The following PATJ variants were observed in gnomAD, a reference collection of about 807,000 sequenced individuals.
PATJ encodes inaD-like protein.
A neutral mutation model predicts 224.9 loss-of-function variants in PATJ; 190 were observed. The observed-to-expected ratio is 0.84, with a 90% confidence interval of 0.75 to 0.95. PATJ has a LOEUF of 0.95. Ranked by LOEUF, PATJ falls within the 40% of genes least tolerant of loss-of-function variation. The probability of loss-of-function intolerance (pLI) is 0.00; values close to 1 mark genes in which losing one functional copy is unlikely to be tolerated. For synonymous variants in PATJ, 769 were observed against 820.3 expected, an observed-to-expected ratio of 0.94 and a Z score of 1.07; for missense variants, 2,121 against 2,270.3, an observed-to-expected ratio of 0.93 and a Z score of 1.34.
rs34127211 is a variant in PATJ at position 62,143,438 on chromosome 1, A to ATTTTTTTTTTTTTTTTTTT, written c.5272-4834_5272-4816dup. On this transcript the variant is annotated intron_variant, in intron 41 of 43. Transcript: ENST00000642238. ...TTGGATATCACAGACTAAGCTGGGA[A>ATTTTTTTTTTTTTTTTTTT]TTTTTTTTTTTTTTTTTTTTTTTTT... Among the ~76,000 whole-genome samples, 9 of 74,322 alleles carry ATTTTTTTTTTTTTTTTTTT rather than the reference A, an allele frequency of 1.2e-4. No homozygotes were observed. The East Asian group carries it at 3.7e-3, about 30-fold the overall frequency. 48.8% of individuals were successfully genotyped at this position (74,322 alleles called of 152,430 possible).
chr1:62,021,777 C>T lies in PATJ; in HGVS notation c.3959+3830C>T, dbSNP rs534989286. On this transcript the variant is annotated intron_variant, in intron 29 of 43. Coordinates refer to ENST00000642238, the MANE Select transcript of PATJ (RefSeq NM_001350145.3). ...ATTTTGCTTATTTTAGAATCAAATC[C>T]TGAAGAAGTTAAAATTCGATTCATT... Among the ~76,000 whole-genome samples the T allele has an allele frequency of 4.8e-4, 73 of 152,098 alleles. 1 individual carries two copies. Among genetic ancestry groups the T allele is most frequent in the Non-Finnish European group, 5.9e-5 (4 of 67,998 alleles).
intron 14 of PATJ, among the ~76,000 whole-genome samples, chr1:61,821,176 C>CT (rs1286744110): frequency 1.3e-5 from 2 of 151,996 alleles, no homozygotes; most frequent in African/African-American, 2.4e-5. Flanking sequence ...TCCCGTGCAG[C>CT]TGGGACTACA....
At chr1:61,932,178 C>A (rs6656983) in intron 27 of PATJ, among the ~76,000 whole-genome samples, 10,915 of 152,150 alleles carry the variant, frequency 0.072, 1,159 homozygotes, top group African/African-American at 0.23. Context: ...GCCTGCCCCC[C>A]CAACACACAC....
chr1:61,764,845 A>G (rs996432483), intron 3 of PATJ, among the ~76,000 whole-genome samples: 1 of 152,122 alleles, frequency 6.6e-6, no homozygotes, highest in Non-Finnish European at 1.5e-5. Context: ...GAATATCACA[A>G]TAGTGAATGC....
intron 3 of PATJ, among the ~76,000 whole-genome samples, chr1:61,765,789 A>G (rs1221780216): frequency 6.6e-6 from 1 of 152,202 alleles, no homozygotes; most frequent in Admixed American, 6.5e-5. Flanking sequence ...TGGGATAATG[A>G]TATCTCATTA....
chr1:61,912,603 C>T (rs1424540641), intron 25 of PATJ, among the ~76,000 whole-genome samples: 2 of 146,354 alleles, frequency 1.4e-5, no homozygotes, highest in African/African-American at 2.5e-5. Context: ...TCTGTCTCAA[C>T]GAATGAACAA....
At position 61,899,571 on chromosome 1, in the gene PATJ, C is replaced by G. The variant is rs752370483; in HGVS notation, c.3132-12C>G. The G allele has an allele frequency of 1.3e-6, 2 of 1,579,092 alleles. No homozygotes were observed. The highest frequency in any genetic ancestry group is 8.6e-7 in the Non-Finnish European group (1 of 1,164,442). On this transcript the variant is annotated splice_polypyrimidine_tract_variant and intron_variant, in intron 22 of 43. Coordinates refer to ENST00000642238, the MANE Select transcript of PATJ (RefSeq NM_001350145.3). The stretch of plus-strand genomic sequence containing the variant: ...TAAAATTGTGTGTATTTTTTTCTTT[C>G]TCCCTCTGTAGTGAGTTACCTGAGA...
chr1:62,128,173 TA>T, intron 40 of PATJ, 79 bp downstream of exon 40: 1 of 1,562,264 alleles, frequency 6.4e-7, no homozygotes, highest in Middle Eastern at 1.7e-4. Context: ...GCACCTTGTT[TA>T]AAGTTGGAAT....
intron 11 of PATJ, 102 bp downstream of exon 11, chr1:61,797,530 C>T (rs1651597176): frequency 1.0e-6 from 1 of 981,444 alleles, no homozygotes; most frequent in African/African-American, 1.6e-5. Flanking sequence ...AATGTTGTCC[C>T]ACCTCGTGTA....
chr1:61,895,309 C>T (rs11207858), intron 22 of PATJ, among the ~76,000 whole-genome samples: 94,486 of 152,132 alleles, frequency 0.62, 30,204 homozygotes, highest in Admixed American at 0.7. Flanking sequence ...ATAGCCAAGA[C>T]GGGGAAAATA....
At chr1:61,952,700 C>T (rs910657297) in intron 27 of PATJ, among the ~76,000 whole-genome samples, 11 of 152,140 alleles carry the variant, frequency 7.2e-5, no homozygotes, top group African/African-American at 2.7e-4. Flanking sequence ...GTTTCACTGC[C>T]AAGATTCTCA....
chr1:62,091,995 G>A (rs1192976927), intron 33 of PATJ, among the ~76,000 whole-genome samples: 1 of 150,792 alleles, frequency 6.6e-6, no homozygotes, highest in Non-Finnish European at 1.5e-5. Flanking sequence ...GGCGGAGGTT[G>A]CAGTGAGCCG....
At chr1:61,800,585 A>G (rs924203781) in intron 11 of PATJ, among the ~76,000 whole-genome samples, 2 of 151,922 alleles carry the variant, frequency 1.3e-5, no homozygotes, top group Non-Finnish European at 2.9e-5. Context: ...TCTTTTTTTA[A>G]ATTTTTTTGT....
At chr1:62,130,634 G>A (rs189799761) in intron 41 of PATJ, among the ~76,000 whole-genome samples, 2,169 of 151,652 alleles carry the variant, frequency 0.014, 26 homozygotes, top group Non-Finnish European at 0.019. Flanking sequence ...GGCGGATCAC[G>A]AGGTCAAGAG....
chr1:61,794,224 A>G (rs1229928542), intron 9 of PATJ, among the ~76,000 whole-genome samples: 1 of 150,304 alleles, frequency 6.7e-6, no homozygotes, highest in Non-Finnish European at 1.5e-5. Flanking sequence ...TTTAAGAGAC[A>G]AGCCTTAAGC....
At chr1:61,954,752 A>ATTTTTTTTTTTTTTTTTTT (rs373997284) in intron 27 of PATJ, among the ~76,000 whole-genome samples, 2 of 112,310 alleles carry the variant, frequency 1.8e-5, no homozygotes, top group African/African-American at 6.2e-5. Context: ...GCCAAACTCT[A>ATTTTTTTTTTTTTTTTTTT]TTGTTTTTTT....
chr1:61,834,243 T>C (rs1042142386), intron 17 of PATJ, among the ~76,000 whole-genome samples: 13 of 152,162 alleles, frequency 8.5e-5, no homozygotes, highest in African/African-American at 3.1e-4. Flanking sequence ...TCGTTCCCAA[T>C]TCATACTCTC....
intron 1 of PATJ, among the ~76,000 whole-genome samples, chr1:61,753,949 G>A (rs536299950): frequency 7.9e-5 from 12 of 151,866 alleles, no homozygotes; most frequent in African/African-American, 1.7e-4. Flanking sequence ...GTTAATTGGC[G>A]TTGGCCTAGG....
intron 17 of PATJ, chr1:61,846,319 G>T (rs1661947740): frequency 6.6e-6 from 1 of 152,092 alleles, no homozygotes; most frequent in South Asian, 2.1e-4. Context: ...GCTAGTATTT[G>T]TGCTTAGGTT....
Sources: allele counts gnomAD v4.1 joint callset (sites outside exome capture counted in the v4.1 genomes callset), GRCh38; gene constraint gnomAD v4.1.1; transcripts MANE v1.5; gene names NCBI Gene and HGNC (gene_info 2026-07-23, HGNC 2026-07-21).